Variants in LIPA observed in about 807,000 individuals in gnomAD.
The protein encoded by LIPA is lipase A, lysosomal acid type.
A neutral mutation model predicts 40.6 loss-of-function variants in LIPA; 26 were observed. The ratio of observed to expected loss-of-function variants is 0.64; its 90% CI spans 0.47 to 0.89. The LOEUF is 0.89. LIPA is among the 40% of genes least tolerant of loss of function. The pLI is 0.00. For missense variants in LIPA, 455 were observed against 479.6 expected, an observed-to-expected ratio of 0.95 and a Z score of 0.48; for synonymous variants, 188 against 168.4, an observed-to-expected ratio of 1.12 and a Z score of -0.90.
intron 2 of LIPA, chr10:89,412,746 A>C: frequency 2.3e-6 from 1 of 439,744 alleles, no homozygotes; most frequent in Non-Finnish European, 4.5e-6. Flanking sequence ...CTCACTGTGA[A>C]GGTCTGCAGC....
At chr10:89,338,691 C>A (rs945652788) in intron 1 of LIPA, 12 of 1,613,154 alleles carry the variant, frequency 7.4e-6, no homozygotes, top group Non-Finnish European at 1.0e-5. Flanking sequence ...TGGAGAAAAT[C>A]CTTCCACAGC....
intron 2 of LIPA, chr10:89,383,702 A>G: frequency 6.2e-7 from 1 of 1,614,246 alleles, no homozygotes; most frequent in Non-Finnish European, 8.5e-7. Context: ...AAGTTTGCAA[A>G]TCCTTCCCGC....
At chr10:89,267,617 A>T (rs970906941) in intron 1 of LIPA, among the ~76,000 whole-genome samples, 1 of 149,260 alleles carries the variant, frequency 6.7e-6, no homozygotes, top group African/African-American at 2.5e-5. Context: ...ATTGGGAGAT[A>T]TACCTAATGC....
chr10:89,389,940 G>A (rs1242454780), intron 2 of LIPA, among the ~76,000 whole-genome samples: 2 of 151,030 alleles, frequency 1.3e-5, no homozygotes, highest in South Asian at 2.1e-4. Context: ...GGCTCAGGGC[G>A]CAGGTCTACA....
intron 1 of LIPA, among the ~76,000 whole-genome samples, chr10:89,321,038 C>A (rs1843569057): frequency 6.6e-6 from 1 of 151,746 alleles, no homozygotes; most frequent in Non-Finnish European, 1.5e-5. Context: ...AAACTGGATC[C>A]CTTCCTTACA....
intron 2 of LIPA, among the ~76,000 whole-genome samples, chr10:89,357,823 T>C (rs1324363782): frequency 6.6e-6 from 1 of 152,194 alleles, no homozygotes; most frequent in Non-Finnish European, 1.5e-5. Flanking sequence ...GTTGTGATGA[T>C]AACCATTAAA....
At chr10:89,219,585 C>T (rs1239967888) in intron 8 of LIPA, among the ~76,000 whole-genome samples, 7 of 152,172 alleles carry the variant, frequency 4.6e-5, no homozygotes, top group Admixed American at 4.6e-4. Context: ...ACAAAATGGC[C>T]TTTAAGGTCA....
intron 1 of LIPA, among the ~76,000 whole-genome samples, chr10:89,272,197 G>T (rs1330294033): frequency 6.6e-6 from 1 of 152,122 alleles, no homozygotes; most frequent in Non-Finnish European, 1.5e-5. Flanking sequence ...CACCATCCAG[G>T]TATTAAGCGT....
At chr10:89,335,346 C>G (rs1325890798) in intron 1 of LIPA, 1 of 152,154 alleles carries the variant, frequency 6.6e-6, no homozygotes, top group Non-Finnish European at 1.5e-5. Flanking sequence ...ATTCAGAGCT[C>G]TTTCACAAGT....
At chr10:89,365,665 A>T (rs183293121) in intron 2 of LIPA, among the ~76,000 whole-genome samples, 1 of 152,106 alleles carries the variant, frequency 6.6e-6, no homozygotes, top group African/African-American at 2.4e-5. Context: ...AGCTTTCTAC[A>T]TATGGCTAGC....
chr10:89,296,791 C>T (rs948409130), intron 1 of LIPA, among the ~76,000 whole-genome samples: 11 of 152,130 alleles, frequency 7.2e-5, no homozygotes, highest in African/African-American at 2.2e-4. Context: ...CTTTGAGGTA[C>T]TATTATTTTC....
In LIPA at chr10:89,225,230, T is replaced by G; in HGVS notation, c.539-2A>C. 6.2e-7 allele frequency: 1 copy of G among 1,614,136 alleles called. No individual in the cohort carries two copies. Among genetic ancestry groups the G allele is most frequent in the Non-Finnish European group, 8.5e-7 (1 of 1,180,000 alleles). On this transcript the variant is annotated splice_acceptor_variant, in intron 5 of 9. Transcript: ENST00000336233. LOFTEE classifies it high-confidence loss of function. ...GGATCTGTGAAAATGCTATAAAACC[T>G]GTGAGAACAAAGGACAGAAAACAGG...
chr10:89,334,671 T>G (rs1409568431), intron 1 of LIPA, among the ~76,000 whole-genome samples: 3 of 151,598 alleles, frequency 2.0e-5, no homozygotes, highest in African/African-American at 7.3e-5. Flanking sequence ...TTTTGTGTTT[T>G]TAGTACAGGC....
At position 89,384,694 on chromosome 10, in the gene LIPA, G is replaced by A. The variant is rs141192042; in HGVS notation, c.61+28097C>T. The stretch of plus-strand genomic sequence containing the variant: ...AGTAAGTGATGCTTTGCTGTGCTAT[G>A]AGAGGGCTCTGAGGCTGGCTGCTGA... On this transcript the variant is annotated intron_variant, in intron 2 of 8. Coordinates refer to the LIPA transcript ENST00000371837. 49 of 1,614,122 alleles carry A rather than the reference G, an allele frequency of 3.0e-5. 2 individuals carry two copies. The Middle Eastern group carries it at 6.6e-4, about 22-fold the overall frequency.
At chr10:89,362,097 T>C (rs1343555106) in intron 2 of LIPA, among the ~76,000 whole-genome samples, 1 of 151,628 alleles carries the variant, frequency 6.6e-6, no homozygotes, top group Non-Finnish European at 1.5e-5. Flanking sequence ...AGAGCTAGAG[T>C]TTTGCCATGT....
intron 1 of LIPA, among the ~76,000 whole-genome samples, chr10:89,278,741 G>A (rs1456433037): frequency 6.6e-6 from 1 of 151,364 alleles, no homozygotes; most frequent in Non-Finnish European, 1.5e-5. Flanking sequence ...CTTCAGTCTA[G>A]GTTAAAAAAA....
chr10:89,274,056 A>C (rs191038917), intron 1 of LIPA, among the ~76,000 whole-genome samples: 4 of 152,236 alleles, frequency 2.6e-5, no homozygotes, highest in Non-Finnish European at 5.9e-5. Context: ...ATAGAACAGC[A>C]TTATAGACAT....
chr10:89,264,160 G>C lies in LIPA; in HGVS notation c.-1-16511C>G, dbSNP rs143830852. ...TCATTGCTGGCAACATGGCAAGCAG[G>C]GGGGGTGGTAGGGGCATGTTTCAGC... On this transcript the variant is annotated intron_variant, in intron 1 of 5. Coordinates refer to the LIPA transcript ENST00000282673. Among the ~76,000 whole-genome samples, 93 of 152,296 alleles carry C rather than the reference G, an allele frequency of 6.1e-4. No homozygotes were observed. The East Asian group carries it at 9.3e-3, about 15-fold the overall frequency.
intron 1 of LIPA, among the ~76,000 whole-genome samples, chr10:89,250,098 C>CTTTCTTTTTTTTTTTTTTTTTTTTTT (rs1564767178): frequency 9.8e-6 from 1 of 101,686 alleles, no homozygotes; most frequent in Admixed American, 1.1e-4. Flanking sequence ...TTTTTCTTTT[C>CTTTCTTTTTTTTTTTTTTTTTTTTTT]TTTTCTTTCT....
Sources: gnomAD v4.1 joint callset for allele counts (sites outside exome capture counted in the v4.1 genomes callset) on GRCh38, gnomAD v4.1.1 for gene constraint, MANE v1.5 for transcripts, NCBI Gene and HGNC (gene_info 2026-07-23, HGNC 2026-07-21) for gene names.